Variants in IL5RA observed in about 807,000 individuals in gnomAD.
IL5RA encodes interleukin 5 receptor subunit alpha.
IL5RA carries 49 observed loss-of-function variants against 50.0 expected under a neutral mutation model. The observed-to-expected ratio is 0.98, with a 90% CI of 0.78 to 1.24. IL5RA has a LOEUF of 1.24. Ranked by LOEUF, IL5RA falls within the 50% of genes most tolerant of loss-of-function variation. The pLI, the probability that IL5RA is intolerant of heterozygous loss-of-function variation, is 0.00. For synonymous variants in IL5RA, 202 were observed against 174.0 expected (o/e 1.16, Z -1.26); for missense variants, 600 against 500.4 (o/e 1.20, Z -1.90).
At chr3:3,098,411 A>C in intron 5 of IL5RA, 121 bp from the exon 6 acceptor site, 1 of 842,002 alleles carries the variant, frequency 1.2e-6, no homozygotes, top group Non-Finnish European at 1.8e-6. Flanking sequence ...TCATCTTCAC[A>C]TTTTTTTTTC....
At chr3:3,075,551 A>G (rs1032786213) in intron 10 of IL5RA, among the ~76,000 whole-genome samples, 22 of 151,408 alleles carry the variant, frequency 1.5e-4, no homozygotes, top group African/African-American at 5.1e-4. Flanking sequence ...CCCAAACTGT[A>G]GATGCCATCC....
At position 3,092,061 on chromosome 3, in the gene IL5RA, G is replaced by T. The variant is rs572307194; in HGVS notation, c.994+163C>A. The T allele has an allele frequency of 1.2e-5, 17 of 1,383,182 alleles. No homozygotes were observed. Among genetic ancestry groups the T allele is most frequent in the Non-Finnish European group, 1.3e-5 (14 of 1,072,334 alleles). 85.7% of individuals were successfully genotyped at this position (1,383,182 alleles called of 1,614,324 possible). A position where few individuals can be genotyped will look rare whatever the true frequency, so the allele number is the denominator to read the frequency against. ...ACTTAAAAACTTCACTGGCTTCATG[G>T]CAAATCTATTCCTGATTGAAAAGGC... On this transcript the variant is annotated intron_variant, in intron 9 of 11. Transcript: ENST00000446632. This position sits in a 1 kb window ranked among gnomAD's most constrained non-coding sequence, Gnocchi z 4.2.
intron 11 of IL5RA, among the ~76,000 whole-genome samples, chr3:3,072,673 A>C (rs761617241): frequency 1.3e-5 from 2 of 152,220 alleles, no homozygotes; most frequent in Non-Finnish European, 2.9e-5. Context: ...TAATCCCAGC[A>C]CTTTGGGAAG....
chr3:3,079,181 T>G (rs1158167896), intron 9 of IL5RA, among the ~76,000 whole-genome samples: 1 of 152,206 alleles, frequency 6.6e-6, no homozygotes, highest in Non-Finnish European at 1.5e-5. Context: ...CACTTCATCT[T>G]TTAATTTTAT....
At chr3:3,104,393 A>G (rs1405019779) in intron 3 of IL5RA, among the ~76,000 whole-genome samples, 3 of 152,236 alleles carry the variant, frequency 2.0e-5, no homozygotes, top group Non-Finnish European at 2.9e-5. Context: ...CAAGGGCGCA[A>G]TAGTCACATA....
chr3:3,081,840 A>G (rs1702673277), intron 9 of IL5RA, among the ~76,000 whole-genome samples: 1 of 152,208 alleles, frequency 6.6e-6, no homozygotes, highest in Non-Finnish European at 1.5e-5. Flanking sequence ...GGGAGGTGGC[A>G]CATTAGTCAT....
At chr3:3,078,834 CAAAAAAA>C (rs371826442) in intron 9 of IL5RA, among the ~76,000 whole-genome samples, 1 of 135,742 alleles carries the variant, frequency 7.4e-6, no homozygotes, top group Non-Finnish European at 1.6e-5. Flanking sequence ...GACTCCGTCT[CAAAAAAA>C]AAAAAAAAAA....
At chr3:3,100,447 T>G (rs1406209761) in intron 5 of IL5RA, among the ~76,000 whole-genome samples, 3 of 152,150 alleles carry the variant, frequency 2.0e-5, no homozygotes, top group Non-Finnish European at 4.4e-5. Flanking sequence ...GTAATTGTGA[T>G]TTTGGTCATT....
At position 3,102,681 on chromosome 3, in the gene IL5RA, T is replaced by C. The variant is rs376596904; in HGVS notation, c.222A>G (p.Glu74=). Residue 74 remains glutamate, a synonymous_variant, in exon 4 of 12, where the codon GAA becomes GAG. Transcript: ENST00000446632. ...EYQVKINAPK[E]DDYETRITES... ...CATTAGAATAAACACTTACGTCATCTTCTTTTGGAGCGTTTATTTTCACTT... is the reference window on the plus strand; with the variant it reads ...CATTAGAATAAACACTTACGTCATCCTCTTTTGGAGCGTTTATTTTCACTT... 1.3e-6 allele frequency: 2 copies of C among 1,588,514 alleles called. No homozygotes were observed.
chr3:3,104,335 G>A (rs1340374802), intron 3 of IL5RA, among the ~76,000 whole-genome samples: 1 of 152,068 alleles, frequency 6.6e-6, no homozygotes, highest in African/African-American at 2.4e-5. Context: ...CACTGCATAC[G>A]GCCTAAACTA....
At position 3,068,641 on chromosome 3, in the gene IL5RA, G is replaced by A. The variant is rs1429475653; in HGVS notation, c.*1584C>T. 6.8e-6 allele frequency: 1 copy of A among 146,506 alleles called. No homozygotes were observed. The highest frequency in any genetic ancestry group is 1.5e-5 in the Non-Finnish European group (1 of 67,358). 9.1% of individuals were successfully genotyped at this position (146,506 alleles called of 1,614,324 possible). On this transcript the variant is annotated 3_prime_UTR_variant, in exon 12 of 12. Coordinates refer to ENST00000446632, the MANE Select transcript of IL5RA (RefSeq NM_175726.4). Reference sequence around the variant, plus strand: ...AGGTTTGAGATTATGAATCATTTGAGTGACCAAACATTTTAAACATTTTGC... The same window carrying A: ...AGGTTTGAGATTATGAATCATTTGAATGACCAAACATTTTAAACATTTTGC...
chr3:3,098,800 G>A (rs185397710), intron 5 of IL5RA, among the ~76,000 whole-genome samples: 13 of 152,310 alleles, frequency 8.5e-5, no homozygotes, highest in Admixed American at 7.2e-4. Flanking sequence ...TGATATTCGA[G>A]AGCTTCCCAG....
chr3:3,101,110 C>G (rs970865359), intron 5 of IL5RA, among the ~76,000 whole-genome samples: 6 of 150,844 alleles, frequency 4.0e-5, no homozygotes, highest in Non-Finnish European at 8.8e-5. Flanking sequence ...ACCCAGGAGG[C>G]AGAGGTTGCA....
intron 9 of IL5RA, among the ~76,000 whole-genome samples, chr3:3,086,177 C>A (rs1559866704): frequency 6.6e-6 from 1 of 152,184 alleles, no homozygotes; most frequent in South Asian, 2.1e-4. Context: ...AAAGACACGG[C>A]CAGAAATAAG....
chr3:3,090,383 C>G (rs1703036013), intron 9 of IL5RA: 2 of 694,250 alleles, frequency 2.9e-6, no homozygotes, highest in African/African-American at 1.8e-5. Context: ...TCTTATAGAC[C>G]TAGTGCAACA....
intron 9 of IL5RA, among the ~76,000 whole-genome samples, chr3:3,078,124 G>T (rs1292530577): frequency 6.6e-6 from 1 of 152,154 alleles, no homozygotes; most frequent in Non-Finnish European, 1.5e-5. Flanking sequence ...GCTAAATACT[G>T]TGGTGAGATT....
At chr3:3,070,746 C>T (rs1392147204) in intron 11 of IL5RA, among the ~76,000 whole-genome samples, 3 of 151,904 alleles carry the variant, frequency 2.0e-5, no homozygotes, top group Non-Finnish European at 4.4e-5. Context: ...CCATGCCCGG[C>T]TAATTTTTGT....
At chr3:3,099,191 A>G (rs984346632) in intron 5 of IL5RA, among the ~76,000 whole-genome samples, 2 of 152,232 alleles carry the variant, frequency 1.3e-5, no homozygotes, top group African/African-American at 4.8e-5. Context: ...TTAATATACT[A>G]GGACTTGAAG....
intron 9 of IL5RA, 98 bp from the exon 10 acceptor site, chr3:3,076,725 T>C (rs1702498975): frequency 1.4e-6 from 1 of 711,228 alleles, no homozygotes; most frequent in Admixed American, 2.7e-5. Context: ...ACAGCTCAGG[T>C]TTGAGTTGCC....
Sources: allele counts gnomAD v4.1 joint callset (sites outside exome capture counted in the v4.1 genomes callset), GRCh38; gene constraint gnomAD v4.1.1; non-coding constraint Gnocchi (gnomAD v3.1); transcripts MANE v1.5; gene names NCBI Gene and HGNC (gene_info 2026-07-23, HGNC 2026-07-21).